The following ERO1A variants were observed in gnomAD, a reference collection of about 807,000 sequenced individuals.
The protein encoded by ERO1A is ERO1-like protein alpha.
A neutral mutation model predicts 76.9 loss-of-function variants in ERO1A; 49 were observed. The observed-to-expected ratio is 0.64, with a 90% CI of 0.51 to 0.81. ERO1A has a LOEUF of 0.81. ERO1A is among the 30% of genes least tolerant of loss of function. The pLI, the probability that ERO1A is intolerant of heterozygous loss-of-function variation, is 0.00. For synonymous variants in ERO1A, 174 were observed against 181.2 expected, an observed-to-expected ratio of 0.96 and a Z score of 0.32; for missense variants, 448 against 542.1, an observed-to-expected ratio of 0.83 and a Z score of 1.72.
At chr14:52,666,099 A>T (rs78393675) in intron 7 of ERO1A, among the ~76,000 whole-genome samples, 16,558 of 152,176 alleles carry the variant, frequency 0.11, 997 homozygotes, top group South Asian at 0.19. Context: ...GCTCTAGGTT[A>T]CCTTAACTAT....
At chr14:52,649,378 T>C (rs1251510646) in intron 13 of ERO1A, among the ~76,000 whole-genome samples, 1 of 152,204 alleles carries the variant, frequency 6.6e-6, no homozygotes, top group Admixed American at 6.5e-5. Flanking sequence ...AATTAATTTG[T>C]AAATATGACT....
intron 4 of ERO1A, among the ~76,000 whole-genome samples, chr14:52,673,329 G>C (rs750900190): frequency 6.6e-6 from 1 of 152,122 alleles, no homozygotes; most frequent in African/African-American, 2.4e-5. Context: ...GTCTCAAGCA[G>C]TCTGTCTGCC....
At chr14:52,676,083 C>T (rs1009559673) in intron 4 of ERO1A, among the ~76,000 whole-genome samples, 1 of 152,112 alleles carries the variant, frequency 6.6e-6, no homozygotes, top group Non-Finnish European at 1.5e-5. Flanking sequence ...TTCATATGGC[C>T]AGTGTTATTT....
In ERO1A at chr14:52,643,082, A is replaced by C. The variant is rs2039529322; in HGVS notation, c.*488T>G. ...ATTAAAAAACTAATTGTTTATCTGA[A>C]ATTCAAATCTAACTGGGCAATCTTT... On this transcript the variant is annotated 3_prime_UTR_variant, in exon 16 of 16. Transcript: ENST00000395686. 1 of 152,226 alleles carries C rather than the reference A, an allele frequency of 6.6e-6. No individual in the cohort carries two copies. The highest frequency in any genetic ancestry group is 2.1e-4 in the South Asian group (1 of 4,834). The allele number at this position is 152,226 out of a possible 1,614,324, so 9.4% of individuals were successfully genotyped here. A position where few individuals can be genotyped will look rare whatever the true frequency, so the allele number is the denominator to read the frequency against.
chr14:52,688,494 T>C (rs563726677), intron 1 of ERO1A, among the ~76,000 whole-genome samples: 4 of 152,304 alleles, frequency 2.6e-5, no homozygotes, highest in Admixed American at 6.5e-5. Flanking sequence ...CCAAGATAAA[T>C]AGTACAAAGT....
chr14:52,643,938 G>T (rs1036831104), intron 15 of ERO1A, among the ~76,000 whole-genome samples: 1 of 152,104 alleles, frequency 6.6e-6, no homozygotes, highest in African/African-American at 2.4e-5. Flanking sequence ...AGGAATTGGA[G>T]AACAGCCTGG....
chr14:52,691,319 G>A (rs950455145), intron 1 of ERO1A, among the ~76,000 whole-genome samples: 13 of 152,140 alleles, frequency 8.5e-5, no homozygotes, highest in Admixed American at 2.0e-4. Flanking sequence ...GACCTAGAAC[G>A]CTACAGGTCA....
chr14:52,684,651 A>G (rs1379439739), intron 1 of ERO1A, among the ~76,000 whole-genome samples: 1 of 152,190 alleles, frequency 6.6e-6, no homozygotes, highest in East Asian at 1.9e-4. Flanking sequence ...TAACAATGAA[A>G]CAGCAAACTG....
intron 11 of ERO1A, among the ~76,000 whole-genome samples, chr14:52,654,085 G>T (rs1476459298): frequency 6.6e-6 from 1 of 152,022 alleles, no homozygotes; most frequent in East Asian, 1.9e-4. Context: ...CCTCAAAAAT[G>T]CTGAAAGCAA....
chr14:52,662,668 T>G (rs2040267372), intron 8 of ERO1A, among the ~76,000 whole-genome samples: 1 of 152,060 alleles, frequency 6.6e-6, no homozygotes, highest in Non-Finnish European at 1.5e-5. Context: ...AATTTTAATT[T>G]TACATCCCCT....
At chr14:52,693,281 G>C (rs2041420184) in intron 1 of ERO1A, among the ~76,000 whole-genome samples, 1 of 151,980 alleles carries the variant, frequency 6.6e-6, no homozygotes, top group Non-Finnish European at 1.5e-5. Context: ...CTAATCACCT[G>C]CCAGCATGGC....
At chr14:52,661,919 T>C (rs1348054311) in intron 8 of ERO1A, among the ~76,000 whole-genome samples, 1 of 151,920 alleles carries the variant, frequency 6.6e-6, no homozygotes, top group African/African-American at 2.4e-5. Context: ...ATATATGTTT[T>C]TAAAAAAAAG....
rs879055907 is a variant in ERO1A at position 52,643,594 on chromosome 14, C to T, written c.1383G>A (p.Arg461=). Residue 461 remains arginine, a synonymous_variant, in exon 16 of 16, where the codon AGG becomes AGA. Transcript: ENST00000395686. ...TTTAATGAATATTCTGTAACAAGTT[C>T]CTGAAGTTTTCTAATTCTTTCACAC... is the stretch of plus-strand genomic sequence containing the variant. ...STSVKELENF[R]NLLQNIH is the part of the protein sequence containing the mutation. 4.1e-6 allele frequency: 6 copies of T among 1,480,008 alleles called. No homozygotes were observed. In the South Asian group the frequency reaches 7.1e-5, roughly 18 times the overall value. 91.7% of individuals were successfully genotyped at this position (1,480,008 alleles called of 1,614,324 possible).
At chr14:52,671,731 A>G in intron 5 of ERO1A, 28 bp from the exon 6 acceptor site, 1 of 1,574,828 alleles carries the variant, frequency 6.3e-7, no homozygotes, top group South Asian at 1.2e-5. Context: ...AAATAACATT[A>G]TTATTTTTAA....
chr14:52,650,541 T>C (rs2039822145), intron 13 of ERO1A, among the ~76,000 whole-genome samples: 1 of 151,670 alleles, frequency 6.6e-6, no homozygotes, highest in Non-Finnish European at 1.5e-5. Flanking sequence ...TTCTGTGATA[T>C]ATATATATGA....
chr14:52,691,555 T>C (rs1464970235), intron 1 of ERO1A, among the ~76,000 whole-genome samples: 2 of 152,152 alleles, frequency 1.3e-5, no homozygotes, highest in African/African-American at 4.8e-5. Flanking sequence ...AGCAAGTGTC[T>C]CTCCCACGGC....
At chr14:52,647,625 G>A (rs1006691113) in intron 13 of ERO1A, among the ~76,000 whole-genome samples, 1 of 151,914 alleles carries the variant, frequency 6.6e-6, no homozygotes, top group African/African-American at 2.4e-5. Flanking sequence ...ATAATAGGGC[G>A]ACATGCATCC....
intron 1 of ERO1A, among the ~76,000 whole-genome samples, chr14:52,693,059 A>G (rs1285160267): frequency 7.2e-6 from 1 of 138,018 alleles, no homozygotes; most frequent in East Asian, 2.2e-4. Context: ...AAATAAGTAG[A>G]CCATTCTAAA....
At chr14:52,682,278 G>C (rs760660941) in intron 3 of ERO1A, 47 bp downstream of exon 3, 17 of 1,369,202 alleles carry the variant, frequency 1.2e-5, no homozygotes, top group Admixed American at 1.1e-4. Flanking sequence ...AAGTTATAAT[G>C]AATGAAAAAA....
Sources: allele counts gnomAD v4.1 joint callset (sites outside exome capture counted in the v4.1 genomes callset), GRCh38; gene constraint gnomAD v4.1.1; transcripts MANE v1.5; gene names NCBI Gene and HGNC (gene_info 2026-07-23, HGNC 2026-07-21).